The following NPEPPS variants were observed in gnomAD, a reference collection of about 807,000 sequenced individuals.
NPEPPS encodes puromycin-sensitive aminopeptidase.
NPEPPS carries 14 observed loss-of-function variants against 115.5 expected under a neutral mutation model. That is an observed-to-expected ratio of 0.12 (90% CI 0.08 to 0.19). The LOEUF (loss-of-function observed/expected upper bound fraction) is 0.19, where lower values mean the gene tolerates loss of function less well. Among genes scored for constraint, NPEPPS ranks in the 10% least tolerant of loss-of-function variants. NPEPPS has a pLI of 1.00. For missense variants in NPEPPS, 523 were observed against 1,110.8 expected (o/e 0.47, Z 7.52); for synonymous variants, 285 against 390.6 (o/e 0.73, Z 3.19).
chr17:47,594,594 A>G (rs1193189587), intron 12 of NPEPPS, among the ~76,000 whole-genome samples: 1 of 44,096 alleles, frequency 2.3e-5, no homozygotes, highest in Non-Finnish European at 4.9e-5. Context: ...ATTTTATTTT[A>G]TGTTATGTTA....
At chr17:47,528,300 C>G (rs972345982), upstream of NPEPPS, among the ~76,000 whole-genome samples, 4 of 145,580 alleles carry the variant, frequency 2.7e-5, no homozygotes, top group Non-Finnish European at 6.0e-5. Context: ...GACTCCAGCT[C>G]AAAAAAAAAA....
intron 3 of NPEPPS, among the ~76,000 whole-genome samples, chr17:47,571,494 G>A (rs1165870574): frequency 6.6e-6 from 1 of 152,168 alleles, no homozygotes. Flanking sequence ...CGAGGCGGGT[G>A]GATCACGAGG....
At chr17:47,599,318 G>C (rs1321676003) in intron 13 of NPEPPS, among the ~76,000 whole-genome samples, 2 of 152,132 alleles carry the variant, frequency 1.3e-5, no homozygotes, top group Admixed American at 6.6e-5. Context: ...ATTTCTTGCA[G>C]TAAGTTTATC....
At chr17:47,608,865 A>T (rs1913675823) in intron 17 of NPEPPS, among the ~76,000 whole-genome samples, 2 of 152,226 alleles carry the variant, frequency 1.3e-5, no homozygotes, top group Non-Finnish European at 2.9e-5. Context: ...ACTAAGTCAA[A>T]CAGAATGATG....
chr17:47,611,626 C>T lies in NPEPPS; in HGVS notation c.2096-834C>T, dbSNP rs538056670. 1.3e-3 allele frequency among the ~76,000 whole-genome samples: 191 copies of T among 152,200 alleles called. 1 individual carries two copies. Among genetic ancestry groups the T allele is most frequent in the African/African-American group, 4.1e-3 (171 of 41,556 alleles). On this transcript the variant is annotated intron_variant, in intron 17 of 22. Coordinates refer to ENST00000322157, the MANE Select transcript of NPEPPS (RefSeq NM_006310.4). ...TAACTGGGCCTACAGACATATGCTACCATGCTTGGTTAATTATTAAGTTTT... is the reference window on the plus strand; with the variant it reads ...TAACTGGGCCTACAGACATATGCTATCATGCTTGGTTAATTATTAAGTTTT...
At chr17:47,533,508 A>G (rs1194528703) in intron 1 of NPEPPS, among the ~76,000 whole-genome samples, 2 of 151,838 alleles carry the variant, frequency 1.3e-5, no homozygotes, top group South Asian at 2.1e-4. Context: ...GACTAACATT[A>G]AAAAAAACAT....
At chr17:47,592,786 G>A in intron 12 of NPEPPS, 1 of 378,356 alleles carries the variant, frequency 2.6e-6, no homozygotes, top group South Asian at 2.9e-5. Context: ...GTTCTAGGGT[G>A]CATGTGCACA....
chr17:47,559,140 C>G (rs1393978387), intron 2 of NPEPPS, among the ~76,000 whole-genome samples: 1 of 152,108 alleles, frequency 6.6e-6, no homozygotes, highest in Non-Finnish European at 1.5e-5. Flanking sequence ...AACTCCTGGA[C>G]TCAAGTGATC....
chr17:47,555,583 G>T (rs980006310), intron 2 of NPEPPS, among the ~76,000 whole-genome samples: 2 of 150,928 alleles, frequency 1.3e-5, no homozygotes, highest in African/African-American at 4.9e-5. Flanking sequence ...CCGACCACAG[G>T]TGATCTGCCT....
chr17:47,529,671 G>A (rs2053935453), upstream of NPEPPS, among the ~76,000 whole-genome samples: 1 of 122,776 alleles, frequency 8.1e-6, no homozygotes, highest in Admixed American at 9.0e-5. Flanking sequence ...CCAAAGTGCT[G>A]GGATTACAGG....
chr17:47,563,015 G>T (rs1287009387), intron 2 of NPEPPS, among the ~76,000 whole-genome samples: 1 of 149,830 alleles, frequency 6.7e-6, no homozygotes, highest in Non-Finnish European at 1.5e-5. Flanking sequence ...TAATGCCATG[G>T]TTTTTTTGTT....
intron 17 of NPEPPS, 90 bp from the exon 18 acceptor site, chr17:47,612,370 G>A: frequency 1.5e-6 from 2 of 1,309,132 alleles, no homozygotes; most frequent in South Asian, 1.3e-5. Context: ...CCATAGAATT[G>A]GTATAGCACA....
intron 1 of NPEPPS, among the ~76,000 whole-genome samples, chr17:47,538,462 C>A (rs1364411410): frequency 6.6e-6 from 1 of 151,220 alleles, no homozygotes; most frequent in Non-Finnish European, 1.5e-5. Context: ...GATCCGCCTG[C>A]CTCTGCCTCC....
intron 3 of NPEPPS, among the ~76,000 whole-genome samples, chr17:47,570,099 A>G (rs1436106108): frequency 6.6e-6 from 1 of 151,976 alleles, no homozygotes; most frequent in Admixed American, 6.6e-5. Flanking sequence ...AATGTAATGT[A>G]TTGTTTTCCA....
chr17:47,524,800 G>A (rs552319098), intron 1 of NPEPPS, among the ~76,000 whole-genome samples: 2 of 151,104 alleles, frequency 1.3e-5, no homozygotes, highest in South Asian at 2.1e-4. Flanking sequence ...CACCGTGCCC[G>A]GCCAATTTTT....
intron 19 of NPEPPS, 110 bp from the exon 20 acceptor site, chr17:47,618,240 T>C: frequency 1.5e-6 from 1 of 668,568 alleles, no homozygotes; most frequent in South Asian, 1.9e-5. Context: ...TCTTACCTAG[T>C]GAGAATATAG....
At chr17:47,543,199 AG>A (rs1168010156) in intron 1 of NPEPPS, among the ~76,000 whole-genome samples, 5 of 151,864 alleles carry the variant, frequency 3.3e-5, no homozygotes, top group Non-Finnish European at 5.9e-5. Flanking sequence ...AGCAGTTCAC[AG>A]TGGAAAAACT....
At chr17:47,596,519 A>G (rs1197697985) in intron 13 of NPEPPS, 57 bp downstream of exon 13, 1 of 1,144,288 alleles carries the variant, frequency 8.7e-7, no homozygotes, top group African/African-American at 1.6e-5. Context: ...AGTTCAGTAC[A>G]GTGTATCAAG....
At chr17:47,569,878 CA>C (rs1911091696) in intron 3 of NPEPPS, among the ~76,000 whole-genome samples, 1 of 152,136 alleles carries the variant, frequency 6.6e-6, no homozygotes, top group Non-Finnish European at 1.5e-5. Flanking sequence ...CCTGGCCTCC[CA>C]AAGTGGTAGG....
Sources: gnomAD v4.1 joint callset for allele counts (sites outside exome capture counted in the v4.1 genomes callset) on GRCh38, gnomAD v4.1.1 for gene constraint, MANE v1.5 for transcripts, NCBI Gene and HGNC (gene_info 2026-07-23, HGNC 2026-07-21) for gene names.